Variants in HTR2A observed in about 807,000 individuals in gnomAD.
The protein encoded by HTR2A is 5-HT2 receptor.
A neutral mutation model predicts 31.0 loss-of-function variants in HTR2A; 14 were observed. That is an observed-to-expected ratio of 0.45 (90% CI 0.30 to 0.71). HTR2A has a LOEUF of 0.71. Ranked by LOEUF, HTR2A falls within the 30% of genes least tolerant of loss-of-function variation. The pLI is 0.09. For missense variants in HTR2A, 442 were observed against 573.3 expected (o/e 0.77, Z 2.34); for synonymous variants, 209 against 225.2 (o/e 0.93, Z 0.64).
At position 46,835,223 on chromosome 13, in the gene HTR2A, T is replaced by C. The variant is rs761046368; in HGVS notation, c.1030A>G (p.Ile344Val). The C allele has an allele frequency of 6.2e-7, 1 of 1,614,150 alleles. No homozygotes were observed. The highest frequency in any genetic ancestry group is 1.1e-5 in the South Asian group (1 of 91,078). Residue 344 changes from isoleucine (I) to valine (V), a missense_variant, in exon 4 of 4, where the codon ATC becomes GTC. Transcript: ENST00000542664. ...VMWCPFFITN[I>V]MAVICKESCN... ...GACTCTTTGCAGATGACGGCCATGA[T>C]GTTTGTGATGAAGAAAGGGCACCAC...
intron 3 of HTR2A, among the ~76,000 whole-genome samples, chr13:46,876,398 ATATATATTTTTTTTTTT>A (rs1950911944): frequency 2.1e-5 from 2 of 97,020 alleles, no homozygotes; most frequent in South Asian, 6.8e-4. Context: ...ATATATATAT[ATATATATTTTTTTTTTT>A]TTTTTTTTTT....
At chr13:46,865,938 T>G (rs1950815277) in intron 3 of HTR2A, among the ~76,000 whole-genome samples, 1 of 152,114 alleles carries the variant, frequency 6.6e-6, no homozygotes, top group Admixed American at 6.5e-5. Flanking sequence ...ATGGGAACAT[T>G]TGGGTGCTTG....
intron 3 of HTR2A, among the ~76,000 whole-genome samples, chr13:46,850,479 A>G (rs1036099625): frequency 1.3e-5 from 2 of 152,252 alleles, no homozygotes; most frequent in Non-Finnish European, 2.9e-5. Context: ...TTTGAGCCAC[A>G]GCCTGGCTCT....
intron 3 of HTR2A, among the ~76,000 whole-genome samples, chr13:46,871,742 C>A (rs582854): frequency 0.37 from 55,720 of 151,968 alleles, 11,061 homozygotes; most frequent in Non-Finnish European, 0.45. Flanking sequence ...ACCTAACTGG[C>A]TGAGTATGGC....
chr13:46,850,381 A>T (rs1020464601), intron 3 of HTR2A, among the ~76,000 whole-genome samples: 1 of 152,214 alleles, frequency 6.6e-6, no homozygotes, highest in African/African-American at 2.4e-5. Context: ...TTGTGCTATT[A>T]TTATCACTGT....
chr13:46,862,929 G>A (rs1950791383), intron 3 of HTR2A, among the ~76,000 whole-genome samples: 1 of 152,132 alleles, frequency 6.6e-6, no homozygotes, highest in Admixed American at 6.5e-5. Flanking sequence ...ATCACTAATT[G>A]TAAAACATTT....
chr13:46,861,292 C>CA (rs1555298214), intron 3 of HTR2A, among the ~76,000 whole-genome samples: 1 of 151,200 alleles, frequency 6.6e-6, no homozygotes, highest in African/African-American at 2.4e-5. Context: ...AAGTGATTTA[C>CA]TTTTTTTTTC....
chr13:46,890,253 G>C (rs1269292154), intron 3 of HTR2A, among the ~76,000 whole-genome samples: 1 of 152,364 alleles, frequency 6.6e-6, no homozygotes, highest in African/African-American at 2.4e-5. Context: ...TGAGGCAGGA[G>C]AATAGCTTGA....
At chr13:46,860,103 C>T (rs1950768584) in intron 3 of HTR2A, among the ~76,000 whole-genome samples, 1 of 152,138 alleles carries the variant, frequency 6.6e-6, no homozygotes, top group African/African-American at 2.4e-5. Context: ...GAGGAATTCT[C>T]AGAATTCTCC....
At chr13:46,855,315 TCA>T (rs1395641718) in intron 3 of HTR2A, among the ~76,000 whole-genome samples, 3 of 152,202 alleles carry the variant, frequency 2.0e-5, no homozygotes, top group African/African-American at 4.8e-5. Flanking sequence ...GGGAACTCCT[TCA>T]GTTTTTCGGT....
At chr13:46,855,742 A>G (rs529332244) in intron 3 of HTR2A, among the ~76,000 whole-genome samples, 2 of 152,320 alleles carry the variant, frequency 1.3e-5, no homozygotes, top group East Asian at 3.9e-4. Flanking sequence ...CAATCTCAAA[A>G]TTAATATTTA....
intron 3 of HTR2A, among the ~76,000 whole-genome samples, chr13:46,865,329 G>T (rs1046808897): frequency 6.6e-6 from 1 of 152,190 alleles, no homozygotes; most frequent in Non-Finnish European, 1.5e-5. Context: ...GAGGAAAGAG[G>T]CTGAGCTGTT....
At chr13:46,851,374 T>C (rs1482126965) in intron 3 of HTR2A, among the ~76,000 whole-genome samples, 1 of 152,210 alleles carries the variant, frequency 6.6e-6, no homozygotes, top group Non-Finnish European at 1.5e-5. Flanking sequence ...ATACATTGTA[T>C]ATTCTGGTTC....
At position 46,895,534 on chromosome 13, in the gene HTR2A, A is replaced by G; in HGVS notation, c.373T>C (p.Phe125Leu). Residue 125 changes from phenylalanine to leucine, a missense_variant, in exon 2 of 4, where the codon TTC becomes CTC. This residue lies in a region of HTR2A where 86 missense variants were observed against 179.1 expected (regional missense o/e 0.48). Coordinates refer to ENST00000542664, the MANE Select transcript of HTR2A (RefSeq NM_000621.5). This position sits in a 1 kb window ranked among gnomAD's most constrained non-coding sequence, Gnocchi z 4.4. ...SLAIADMLLG[F>L]LVMPVSMLTI... is the part of the protein sequence containing the mutation. The stretch of plus-strand genomic sequence containing the variant: ...AACATGGACACGGGCATGACAAGGA[A>G]ACCCAGCAGCATATCAGCTATGGCA... 6.2e-7 allele frequency: 1 copy of G among 1,614,196 alleles called. No individual in the cohort carries two copies.
At chr13:46,887,649 G>T (rs900765656) in intron 3 of HTR2A, among the ~76,000 whole-genome samples, 1 of 151,742 alleles carries the variant, frequency 6.6e-6, no homozygotes, top group African/African-American at 2.4e-5. Flanking sequence ...AATTTATAAA[G>T]AATTAAATGA....
At position 46,896,757 on chromosome 13, in the gene HTR2A, G is replaced by A. The variant is rs1781199294; in HGVS notation, c.-412C>T. On this transcript the variant is annotated 5_prime_UTR_variant, in exon 1 of 4. Transcript: ENST00000542664. ...CTCACAGTAATTAAACTGGTGTAGAGTCCCCTCTTCTTGATCTTCCACCAG... is the reference window on the plus strand; with the variant it reads ...CTCACAGTAATTAAACTGGTGTAGAATCCCCTCTTCTTGATCTTCCACCAG... 1 of 1,535,180 alleles carries A rather than the reference G, an allele frequency of 6.5e-7. No individual in the cohort carries two copies. The highest frequency in any genetic ancestry group is 1.4e-5 in the African/African-American group (1 of 72,962).
intron 3 of HTR2A, among the ~76,000 whole-genome samples, chr13:46,866,708 TAAA>T (rs1219744320): frequency 6.6e-6 from 1 of 152,184 alleles, no homozygotes; most frequent in Non-Finnish European, 1.5e-5. Flanking sequence ...ATAAACATAA[TAAA>T]TGCTTTACAT....
rs760868845 is a variant in HTR2A at position 46,895,680 on chromosome 13, C to A, written c.227G>T (p.Trp76Leu). The A allele has an allele frequency of 6.2e-7, 1 of 1,614,066 alleles. No homozygotes were observed. Among genetic ancestry groups the A allele is most frequent in the Non-Finnish European group, 8.5e-7 (1 of 1,179,988 alleles). Residue 76 changes from tryptophan to leucine, a missense_variant, in exon 2 of 4, where the codon TGG (tryptophan) becomes TTG (leucine). Physicochemically the swap from Trp to Leu is moderately conservative, Grantham distance 61 (BLOSUM62 -2). Coordinates refer to ENST00000542664, the MANE Select transcript of HTR2A (RefSeq NM_000621.5). The surrounding 1 kb of genome is among the most constrained non-coding windows in gnomAD (Gnocchi z 4.4). ...CACTACGGCTGTCAGTAAAGCAGAC[C>A]AGTTTTTTTCCTGGAGATGAAGTAA... is the stretch of plus-strand genomic sequence containing the variant. ...LSLLHLQEKN[W>L]SALLTAVVII...
intron 3 of HTR2A, among the ~76,000 whole-genome samples, chr13:46,868,563 A>G (rs540411786): frequency 1.3e-5 from 2 of 152,314 alleles, no homozygotes; most frequent in African/African-American, 4.8e-5. Context: ...TCTTACAGAT[A>G]TATCATTTTT....
Sources: allele counts gnomAD v4.1 joint callset (sites outside exome capture counted in the v4.1 genomes callset), GRCh38; gene constraint gnomAD v4.1.1; regional missense constraint gnomAD v4.1.1; non-coding constraint Gnocchi (gnomAD v3.1); transcripts MANE v1.5; gene names NCBI Gene and HGNC (gene_info 2026-07-23, HGNC 2026-07-21).